Variants in DIP2C observed in about 807,000 individuals in gnomAD.
The protein encoded by DIP2C is disco-interacting protein 2 homolog C.
DIP2C carries 33 observed loss-of-function variants against 192.4 expected under a neutral mutation model. The observed-to-expected ratio is 0.17, with a 90% CI of 0.13 to 0.23. DIP2C has a LOEUF of 0.23. Among genes scored for constraint, DIP2C ranks in the 10% least tolerant of loss-of-function variants. The pLI, the probability that DIP2C is intolerant of heterozygous loss-of-function variation, is 1.00. For synonymous variants in DIP2C, 979 were observed against 864.1 expected (o/e 1.13, Z -2.33); for missense variants, 1,537 against 2,110.1 (o/e 0.73, Z 5.32).
intron 10 of DIP2C, among the ~76,000 whole-genome samples, chr10:397,214 C>T (rs1206257058): frequency 1.3e-5 from 2 of 152,074 alleles, no homozygotes; most frequent in Non-Finnish European, 2.9e-5. Flanking sequence ...GAAGAGTCAC[C>T]CACACTGTGC....
At chr10:313,925 CATA>C (rs1405937832) in intron 31 of DIP2C, among the ~76,000 whole-genome samples, 2 of 152,128 alleles carry the variant, frequency 1.3e-5, no homozygotes, top group African/African-American at 2.4e-5. Flanking sequence ...ATTCACACAC[CATA>C]ATATTAGCAC....
chr10:350,632 A>ATTTTTT (rs56171130), intron 24 of DIP2C, among the ~76,000 whole-genome samples: 1 of 84,216 alleles, frequency 1.2e-5, no homozygotes, highest in Non-Finnish European at 2.3e-5. Context: ...GGGCTCAGGA[A>ATTTTTT]TTTTTTTTTT....
intron 1 of DIP2C, among the ~76,000 whole-genome samples, chr10:670,342 A>G (rs1830568890): frequency 6.6e-6 from 1 of 152,136 alleles, no homozygotes; most frequent in Non-Finnish European, 1.5e-5. Flanking sequence ...GCGCACGCGT[A>G]CATGCACATA....
intron 10 of DIP2C, 91 bp from the exon 11 acceptor site, chr10:390,954 C>CGA (rs1963412690): frequency 6.5e-7 from 1 of 1,535,340 alleles, no homozygotes. Context: ...CACAGACCCT[C>CGA]GAGTCTGCAG....
In DIP2C at chr10:295,775, G is replaced by A. The variant is rs142282258; in HGVS notation, c.3987-7354C>T. Among the ~76,000 whole-genome samples the A allele has an allele frequency of 1.7e-3, 258 of 152,192 alleles. 1 individual carries two copies. The highest frequency in any genetic ancestry group is 5.9e-3 in the African/African-American group (245 of 41,520). ...AAAACACACATACCCTTGGGAGGCC[G>A]AGGTGGGCTGATCACAAGGTCAGGA... On this transcript the variant is annotated intron_variant, in intron 32 of 36. Transcript: ENST00000280886.
intron 2 of DIP2C, among the ~76,000 whole-genome samples, chr10:475,251 T>A (rs1335163572): frequency 6.6e-6 from 1 of 152,220 alleles, no homozygotes; most frequent in African/African-American, 2.4e-5. Context: ...CTGTCCGCCG[T>A]GTCTGCATCT....
At chr10:476,815 C>T (rs567646261) in intron 2 of DIP2C, among the ~76,000 whole-genome samples, 6 of 152,116 alleles carry the variant, frequency 3.9e-5, no homozygotes, top group East Asian at 3.9e-4. Context: ...TAAGAAAACA[C>T]GGAAACTGCT....
chr10:461,761 A>G (rs1969797112), intron 3 of DIP2C, among the ~76,000 whole-genome samples: 1 of 152,232 alleles, frequency 6.6e-6, no homozygotes, highest in African/African-American at 2.4e-5. Context: ...CACCTATTCT[A>G]AAACTGACCA....
chr10:635,896 G>A (rs1012487205), intron 1 of DIP2C, among the ~76,000 whole-genome samples: 3 of 152,184 alleles, frequency 2.0e-5, no homozygotes, highest in Admixed American at 6.5e-5. Flanking sequence ...CGGGGTCCTC[G>A]GTGGTGACAC....
At chr10:355,038 A>G (rs954284618) in intron 24 of DIP2C, among the ~76,000 whole-genome samples, 3 of 151,962 alleles carry the variant, frequency 2.0e-5, no homozygotes, top group Admixed American at 2.0e-4. Context: ...AGAAAGATGA[A>G]AAGTGGAAGG....
intron 32 of DIP2C, among the ~76,000 whole-genome samples, chr10:293,726 GA>G (rs1955604646): frequency 6.6e-6 from 1 of 152,150 alleles, no homozygotes; most frequent in Non-Finnish European, 1.5e-5. Flanking sequence ...AAATCACAAG[GA>G]ACAACAGTGC....
At chr10:472,700 G>T in intron 2 of DIP2C, 151 bp from the exon 3 acceptor site, 1 of 665,392 alleles carries the variant, frequency 1.5e-6, no homozygotes, top group Non-Finnish European at 2.6e-6. Flanking sequence ...AGACAGGAGG[G>T]CCAGGACTGA....
Position 577,267 on chromosome 10 carries a change from T to C in DIP2C, c.86-90737A>G, listed in dbSNP as rs1588500051. 3.3e-5 allele frequency among the ~76,000 whole-genome samples: 5 copies of C among 152,222 alleles called. 1 individual carries two copies. In the South Asian group the frequency reaches 8.3e-4, roughly 25 times the overall value. The stretch of plus-strand genomic sequence containing the variant: ...GTTAAGTCACTGGATTTAGAGAACA[T>C]GTAAATACAGTTTATCACTAATTCA... On this transcript the variant is annotated intron_variant, in intron 1 of 36. Coordinates refer to ENST00000280886, the MANE Select transcript of DIP2C (RefSeq NM_014974.3).
Position 313,052 on chromosome 10 carries a change from A to T in DIP2C, c.3925-2960T>A, listed in dbSNP as rs1956628165. Among the ~76,000 whole-genome samples the T allele has an allele frequency of 2.0e-5, 3 of 152,200 alleles. No individual in the cohort carries two copies. The South Asian group carries it at 6.2e-4, about 32-fold the overall frequency. ...GTAGGCCTAAGCATTAATAGAGAAG[A>T]ATACATGAAGGAGATAAAGAGGTAA... On this transcript the variant is annotated intron_variant, in intron 31 of 36. Coordinates refer to ENST00000280886, the MANE Select transcript of DIP2C (RefSeq NM_014974.3).
At position 671,114 on chromosome 10, in the gene DIP2C, T is replaced by A. The variant is rs575513594; in HGVS notation, c.85+18380A>T. ...GCTCCGCTACGTGGCTATGACCCCA[T>A]CCCTGCGGCTCCCCGAGCGTGTGTC... On this transcript the variant is annotated intron_variant, in intron 1 of 36. Coordinates refer to ENST00000280886, the MANE Select transcript of DIP2C (RefSeq NM_014974.3). Among the ~76,000 whole-genome samples the A allele has an allele frequency of 2.0e-5, 3 of 152,326 alleles. No individual in the cohort carries two copies. The East Asian group carries it at 5.8e-4, about 29-fold the overall frequency.
At chr10:584,353 TGACA>T (rs1449368173) in intron 1 of DIP2C, among the ~76,000 whole-genome samples, 1 of 152,208 alleles carries the variant, frequency 6.6e-6, no homozygotes, top group African/African-American at 2.4e-5. Context: ...GGAAATCAGT[TGACA>T]GATTCCAAAT....
intron 1 of DIP2C, among the ~76,000 whole-genome samples, chr10:515,714 A>G (rs1846307765): frequency 9.5e-6 from 1 of 105,244 alleles, no homozygotes; most frequent in African/African-American, 4.6e-5. Flanking sequence ...ACAGAGTGAG[A>G]CTGTCTCTCA....
At chr10:298,561 A>C (rs1210079072) in intron 32 of DIP2C, among the ~76,000 whole-genome samples, 1 of 152,124 alleles carries the variant, frequency 6.6e-6, no homozygotes, top group Non-Finnish European at 1.5e-5. Flanking sequence ...GGCCTCATGG[A>C]GGGCACAGCC....
intron 1 of DIP2C, among the ~76,000 whole-genome samples, chr10:582,570 A>G (rs911545859): frequency 1.3e-5 from 2 of 152,174 alleles, no homozygotes; most frequent in Non-Finnish European, 2.9e-5. Flanking sequence ...GTGACAGAGC[A>G]AGACCCTGTC....
Sources: allele counts gnomAD v4.1 joint callset (sites outside exome capture counted in the v4.1 genomes callset), GRCh38; gene constraint gnomAD v4.1.1; transcripts MANE v1.5; gene names NCBI Gene and HGNC (gene_info 2026-07-23, HGNC 2026-07-21).